Variants in CASK observed in about 807,000 individuals in gnomAD.
CASK encodes the protein calcium/calmodulin dependent serine protein kinase.
In CASK, 4 loss-of-function variants were observed where a neutral mutation model predicts 82.9. That is an observed-to-expected ratio of 0.05 (90% CI 0.02 to 0.11). The LOEUF (loss-of-function observed/expected upper bound fraction) is 0.11, where lower values mean the gene tolerates loss of function less well. CASK is among the 10% of genes least tolerant of loss of function. The pLI is 1.00. For missense variants in CASK, 358 were observed against 720.9 expected (o/e 0.50, Z 5.76); for synonymous variants, 259 against 253.5 (o/e 1.02, Z -0.20).
intron 1 of CASK, among the ~76,000 whole-genome samples, chrX:41,919,854 C>G (rs763183298): frequency 8.9e-6 from 1 of 112,191 alleles, no homozygotes; most frequent in African/African-American, 3.2e-5. Flanking sequence ...CATGTTCCCT[C>G]AAAGACAGCT....
intron 11 of CASK, among the ~76,000 whole-genome samples, chrX:41,614,522 ATT>A (rs200039747): frequency 7.1e-5 from 7 of 98,301 alleles, no homozygotes; most frequent in African/African-American, 1.1e-4. Flanking sequence ...ACTATGGATA[ATT>A]TTTTTTTTTT....
At chrX:41,552,435 G>T (rs2065112980) in intron 21 of CASK, among the ~76,000 whole-genome samples, 1 of 111,264 alleles carries the variant, frequency 9.0e-6, no homozygotes, top group Non-Finnish European at 1.9e-5. Context: ...AGAAATTGGT[G>T]AAACATTTAT....
At chrX:41,744,053 A>T (rs391978) in intron 4 of CASK, among the ~76,000 whole-genome samples, 21,031 of 108,234 alleles carry the variant, frequency 0.19, 1,679 homozygotes, top group Middle Eastern at 0.3. Flanking sequence ...GAGGTTGCAG[A>T]AAGCTGAGAT....
chrX:41,916,329 T>G (rs2072686853), intron 1 of CASK, among the ~76,000 whole-genome samples: 1 of 112,006 alleles, frequency 8.9e-6, no homozygotes, highest in Non-Finnish European at 1.9e-5. Context: ...GAAATGAAAT[T>G]TTCCCAGGGT....
intron 8 of CASK, among the ~76,000 whole-genome samples, chrX:41,640,203 C>T (rs1347628475): frequency 9.5e-6 from 1 of 104,998 alleles, no homozygotes; most frequent in Non-Finnish European, 2.0e-5. Context: ...TATGAGTTTC[C>T]ATTGTTCTTT....
At chrX:41,615,027 G>C (rs893425219) in intron 11 of CASK, among the ~76,000 whole-genome samples, 2 of 109,615 alleles carry the variant, frequency 1.8e-5, no homozygotes, top group African/African-American at 6.7e-5. Context: ...GCTGGTCTTG[G>C]ACTCCTGAGC....
intron 2 of CASK, among the ~76,000 whole-genome samples, chrX:41,827,045 T>G (rs776527704): frequency 1.8e-5 from 2 of 112,112 alleles, no homozygotes; most frequent in African/African-American, 6.5e-5. Context: ...ATGTAATGCA[T>G]TTACTTTAAG....
intron 21 of CASK, among the ~76,000 whole-genome samples, chrX:41,549,610 C>T (rs1265136645): frequency 7.2e-5 from 8 of 111,727 alleles, no homozygotes; most frequent in Non-Finnish European, 1.3e-4. Flanking sequence ...GAGGTTGAGG[C>T]GGGCAGATCA....
At chrX:41,820,260 T>C (rs2070504695) in intron 2 of CASK, among the ~76,000 whole-genome samples, 1 of 110,495 alleles carries the variant, frequency 9.1e-6, no homozygotes, top group South Asian at 3.8e-4. Context: ...AACACAATTG[T>C]TCAAATAGAA....
At chrX:41,777,932 A>G (rs1451858310) in intron 3 of CASK, among the ~76,000 whole-genome samples, 1 of 111,838 alleles carries the variant, frequency 8.9e-6, no homozygotes, top group Non-Finnish European at 1.9e-5. Context: ...CAAGATATTA[A>G]TTATAAATTA....
intron 8 of CASK, among the ~76,000 whole-genome samples, chrX:41,648,667 C>T (rs186673129): frequency 6.8e-4 from 76 of 111,808 alleles, no homozygotes; most frequent in African/African-American, 2.4e-3. Context: ...AAAGAACCTA[C>T]GTGATTATCG....
At chrX:41,783,293 A>C (rs2069517233) in intron 3 of CASK, among the ~76,000 whole-genome samples, 2 of 111,301 alleles carry the variant, frequency 1.8e-5, no homozygotes, top group Admixed American at 1.9e-4. Context: ...GGCCGGGCAC[A>C]GTGGCTCATG....
intron 25 of CASK, chrX:41,524,282 A>C: frequency 2.7e-6 from 1 of 367,448 alleles, no homozygotes; most frequent in Non-Finnish European, 4.7e-6. Context: ...CTCATGAATC[A>C]ATCTATTTTT....
chrX:41,666,319 T>C (rs1324891656), intron 6 of CASK, among the ~76,000 whole-genome samples: 3 of 111,913 alleles, frequency 2.7e-5, no homozygotes, highest in Non-Finnish European at 5.6e-5. Context: ...AAAAGAAGTC[T>C]TCTATTGTGG....
chrX:41,549,550 A>G lies in CASK; in HGVS notation c.2039+4169T>C, dbSNP rs747143072. Among the ~76,000 whole-genome samples, 31 of 112,690 alleles carry G rather than the reference A, an allele frequency of 2.8e-4. No individual in the cohort carries two copies. The East Asian group carries it at 8.0e-3, about 29-fold the overall frequency. On this transcript the variant is annotated intron_variant, in intron 21 of 26. Transcript: ENST00000378163. Reference sequence around the variant, plus strand: ...AACTATCACTACAATCAAGAAAAACATATTCTTAGCCAGGTGTGGTAGCTC... The same window carrying G: ...AACTATCACTACAATCAAGAAAAACGTATTCTTAGCCAGGTGTGGTAGCTC...
At chrX:41,552,824 T>G (rs1312322956) in intron 21 of CASK, 2 of 112,132 alleles carry the variant, frequency 1.8e-5, no homozygotes, top group Non-Finnish European at 3.8e-5. Flanking sequence ...CTGAGAAATC[T>G]CTTAACTAGT....
intron 2 of CASK, among the ~76,000 whole-genome samples, chrX:41,813,200 C>G (rs1460851322): frequency 9.0e-6 from 1 of 111,556 alleles, no homozygotes; most frequent in East Asian, 2.8e-4. Flanking sequence ...GCATCCCCAT[C>G]AAGCTACCAA....
At chrX:41,709,536 T>C (rs1007651153) in intron 5 of CASK, among the ~76,000 whole-genome samples, 33 of 111,622 alleles carry the variant, frequency 3.0e-4, no homozygotes, top group African/African-American at 9.4e-4. Flanking sequence ...CTATCTGGGT[T>C]CAAATCTAGA....
At chrX:41,600,818 G>A (rs112719320) in intron 12 of CASK, among the ~76,000 whole-genome samples, 1 of 111,766 alleles carries the variant, frequency 8.9e-6, no homozygotes, top group Admixed American at 9.5e-5. Context: ...TGAGAATTTG[G>A]TTTTTCCTAG....
Sources: gnomAD v4.1 joint callset for allele counts (sites outside exome capture counted in the v4.1 genomes callset) on GRCh38, gnomAD v4.1.1 for gene constraint, MANE v1.5 for transcripts, NCBI Gene and HGNC (gene_info 2026-07-23, HGNC 2026-07-21) for gene names.